Variants in HSD17B12 observed in about 807,000 individuals in gnomAD.
HSD17B12 encodes very-long-chain 3-oxoacyl-CoA reductase.
HSD17B12 carries 32 observed loss-of-function variants against 39.3 expected under a neutral mutation model. That is an observed-to-expected ratio of 0.81 (90% CI 0.61 to 1.09). The LOEUF is 1.09. HSD17B12 is among the 50% of genes least tolerant of loss of function. The pLI is 0.00. For missense variants in HSD17B12, 342 were observed against 382.9 expected, an observed-to-expected ratio of 0.89 and a Z score of 0.89; for synonymous variants, 150 against 146.7, an observed-to-expected ratio of 1.02 and a Z score of -0.16.
At chr11:43,635,424 TA>T in the HSD17B12 span, among the ~76,000 whole-genome samples, 1 of 151,980 alleles carries the variant, frequency 6.6e-6, no homozygotes. Context: ...TTTTATTTTT[TA>T]AAATGCATTT....
chr11:43,749,669 G>C (rs1160467553), intron 1 of HSD17B12, among the ~76,000 whole-genome samples: 1 of 150,976 alleles, frequency 6.6e-6, no homozygotes, highest in East Asian at 1.9e-4. Flanking sequence ...AAAGATATCA[G>C]CTAAGCAAGA....
At position 43,831,826 on chromosome 11, in the gene HSD17B12, C is replaced by T. The variant is rs1373734489; in HGVS notation, c.536+816C>T. ...TTTGAAAAGGGAAGACCCAAGGACCCTACTTCTGTTAGGAAACCTCTATGA... is the reference window on the plus strand; with the variant it reads ...TTTGAAAAGGGAAGACCCAAGGACCTTACTTCTGTTAGGAAACCTCTATGA... On this transcript the variant is annotated intron_variant, in intron 7 of 10. Coordinates refer to ENST00000278353, the MANE Select transcript of HSD17B12 (RefSeq NM_016142.3). The surrounding 1 kb of genome is among the most constrained non-coding windows in gnomAD (Gnocchi z 4.1). 6.6e-6 allele frequency among the ~76,000 whole-genome samples: 1 copy of T among 152,164 alleles called. No homozygotes were observed. The highest frequency in any genetic ancestry group is 1.5e-5 in the Non-Finnish European group (1 of 68,022).
At chr11:43,702,550 CATTA>C (rs1307552225) in intron 1 of HSD17B12, among the ~76,000 whole-genome samples, 3 of 152,150 alleles carry the variant, frequency 2.0e-5, no homozygotes, top group Non-Finnish European at 2.9e-5. Flanking sequence ...GCTTTTTCAG[CATTA>C]ATTCATTTAA....
intron 4 of HSD17B12, among the ~76,000 whole-genome samples, chr11:43,812,561 G>C (rs917965857): frequency 7.9e-5 from 12 of 152,120 alleles, no homozygotes; most frequent in African/African-American, 2.9e-4. Context: ...TTTTTAATAA[G>C]TTTTCTTGTT....
the HSD17B12 span, among the ~76,000 whole-genome samples, chr11:43,629,649 GT>G: frequency 6.6e-6 from 1 of 152,194 alleles, no homozygotes; most frequent in African/African-American, 2.4e-5. Flanking sequence ...AGGCTCAATA[GT>G]GTTTAGCATT....
the HSD17B12 span, among the ~76,000 whole-genome samples, chr11:43,588,675 A>G: frequency 6.7e-6 from 1 of 149,900 alleles, no homozygotes; most frequent in Non-Finnish European, 1.5e-5. Context: ...TAGCAATGTC[A>G]TACAAGGCTT....
At chr11:43,654,078 A>C in the HSD17B12 span, among the ~76,000 whole-genome samples, 3 of 151,910 alleles carry the variant, frequency 2.0e-5, no homozygotes, top group African/African-American at 7.2e-5. Flanking sequence ...CTTTTTAATG[A>C]TTGCCATTCT....
chr11:43,635,394 C>T, the HSD17B12 span, among the ~76,000 whole-genome samples: 2 of 151,990 alleles, frequency 1.3e-5, no homozygotes, highest in Admixed American at 1.3e-4. Context: ...AATGAAAATC[C>T]CGTGCAATAA....
chr11:43,652,748 A>G, the HSD17B12 span, among the ~76,000 whole-genome samples: 1 of 152,090 alleles, frequency 6.6e-6, no homozygotes, highest in Non-Finnish European at 1.5e-5. Context: ...CTCCCCAGGC[A>G]CACACCCTCC....
intron 3 of HSD17B12, among the ~76,000 whole-genome samples, chr11:43,782,480 A>G (rs896438430): frequency 6.6e-6 from 1 of 152,196 alleles, no homozygotes; most frequent in African/African-American, 2.4e-5. Flanking sequence ...CAGGAGTTCA[A>G]GATGAGCCTG....
chr11:43,755,047 A>G, intron 3 of HSD17B12: 1 of 446,122 alleles, frequency 2.2e-6, no homozygotes, highest in East Asian at 3.4e-5. Context: ...ATGCTTATAT[A>G]CTTTTATCCT....
At chr11:43,784,688 A>T (rs1950799795) in intron 3 of HSD17B12, among the ~76,000 whole-genome samples, 1 of 152,180 alleles carries the variant, frequency 6.6e-6, no homozygotes, top group Non-Finnish European at 1.5e-5. Flanking sequence ...GGGAGCAGCA[A>T]GCAAGTTCTT....
chr11:43,646,927 G>A, the HSD17B12 span, among the ~76,000 whole-genome samples: 1 of 152,258 alleles, frequency 6.6e-6, no homozygotes, highest in South Asian at 2.1e-4. Flanking sequence ...TCATAAGGTT[G>A]TGTTTACATA....
chr11:43,557,596 A>G, the HSD17B12 span, among the ~76,000 whole-genome samples: 1 of 152,364 alleles, frequency 6.6e-6, no homozygotes, highest in South Asian at 2.1e-4. Context: ...TTTCCGTTGC[A>G]AGAGCAAAAA....
intron 1 of HSD17B12, among the ~76,000 whole-genome samples, chr11:43,726,909 G>T (rs1260442624): frequency 6.6e-6 from 1 of 152,154 alleles, no homozygotes; most frequent in Admixed American, 6.6e-5. Flanking sequence ...GAGGTGGGGG[G>T]CCATGGAGAG....
the HSD17B12 span, among the ~76,000 whole-genome samples, chr11:43,635,124 T>G: frequency 2.9e-4 from 44 of 152,264 alleles, no homozygotes; most frequent in African/African-American, 9.9e-4. Flanking sequence ...AACTATGAAA[T>G]AGAGATGATG....
At chr11:43,621,655 G>A in the HSD17B12 span, among the ~76,000 whole-genome samples, 1 of 152,202 alleles carries the variant, frequency 6.6e-6, no homozygotes, top group African/African-American at 2.4e-5. Context: ...AGGCTGCAGT[G>A]AGCCATGATC....
the HSD17B12 span, among the ~76,000 whole-genome samples, chr11:43,666,389 A>G: frequency 6.6e-6 from 1 of 151,978 alleles, no homozygotes; most frequent in African/African-American, 2.4e-5. Context: ...TTTTTTGGCA[A>G]AGACAGAGTT....
the HSD17B12 span, among the ~76,000 whole-genome samples, chr11:43,663,522 A>G: frequency 1.3e-5 from 2 of 152,224 alleles, no homozygotes; most frequent in African/African-American, 4.8e-5. Flanking sequence ...ATGAGCTACC[A>G]TGACCAGCCA....
Sources: gnomAD v4.1 joint callset for allele counts (sites outside exome capture counted in the v4.1 genomes callset) on GRCh38, gnomAD v4.1.1 for gene constraint, Gnocchi (gnomAD v3.1) non-coding constraint, MANE v1.5 for transcripts, NCBI Gene and HGNC (gene_info 2026-07-23, HGNC 2026-07-21) for gene names.